CLEC16A: variants seen among roughly 807,000 people sequenced by gnomAD.
CLEC16A encodes C-type lectin domain containing 16A.
A neutral mutation model predicts 109.5 loss-of-function variants in CLEC16A; 51 were observed. That is an observed-to-expected ratio of 0.47 (90% CI 0.37 to 0.59). The LOEUF (loss-of-function observed/expected upper bound fraction) is 0.59, where lower values mean the gene tolerates loss of function less well. Ranked by LOEUF, CLEC16A falls within the 20% of genes least tolerant of loss-of-function variation. The pLI, the probability that CLEC16A is intolerant of heterozygous loss-of-function variation, is 0.00. For missense variants in CLEC16A, 1,339 were observed against 1,394.0 expected (o/e 0.96, Z 0.63); for synonymous variants, 673 against 564.2 (o/e 1.19, Z -2.73).
intron 19 of CLEC16A, among the ~76,000 whole-genome samples, chr16:11,075,973 C>T (rs76714442): frequency 0.011 from 1,661 of 152,310 alleles, 28 homozygotes; most frequent in African/African-American, 0.038. Flanking sequence ...TGTTTCTTCT[C>T]ATCCCTGTGA....
chr16:11,030,386 A>G (rs2152826745), intron 13 of CLEC16A, among the ~76,000 whole-genome samples: 1 of 152,376 alleles, frequency 6.6e-6, no homozygotes, highest in African/African-American at 2.4e-5. Flanking sequence ...ATATCCCATC[A>G]CCAGTGTACA....
At chr16:11,133,560 G>A (rs2053373520) in intron 22 of CLEC16A, among the ~76,000 whole-genome samples, 2 of 152,150 alleles carry the variant, frequency 1.3e-5, no homozygotes. Context: ...CTATGAGCCA[G>A]CTGAGCTGAC....
intron 10 of CLEC16A, among the ~76,000 whole-genome samples, chr16:10,990,561 T>C (rs1024401415): frequency 1.3e-5 from 2 of 152,210 alleles, no homozygotes; most frequent in Non-Finnish European, 2.9e-5. Context: ...GGTGCCTTCA[T>C]TGCTACATCC....
chr16:10,946,631 C>T (rs1027944137), intron 1 of CLEC16A, among the ~76,000 whole-genome samples: 4 of 152,028 alleles, frequency 2.6e-5, no homozygotes, highest in Non-Finnish European at 2.9e-5. Flanking sequence ...GGAGGTTGGG[C>T]CTCCTGCCGG....
At chr16:11,042,915 AAAG>A (rs1267805131) in intron 15 of CLEC16A, among the ~76,000 whole-genome samples, 3 of 149,922 alleles carry the variant, frequency 2.0e-5, no homozygotes, top group Admixed American at 6.7e-5. Flanking sequence ...TTATATATAT[AAAG>A]AAGTATATTT....
chr16:10,962,607 A>G lies in CLEC16A; in HGVS notation c.343+19A>G. ...TCACTTTGTAAGGACATTCCTTGGTATTTGCCTCTGTGCTGCTGTGCATGT... is the reference window on the plus strand; with the variant it reads ...TCACTTTGTAAGGACATTCCTTGGTGTTTGCCTCTGTGCTGCTGTGCATGT... On this transcript the variant is annotated intron_variant, in intron 3 of 23. Transcript: ENST00000409790. The G allele has an allele frequency of 2.5e-6, 4 of 1,612,862 alleles. No homozygotes were observed. Among genetic ancestry groups the G allele is most frequent in the Non-Finnish European group, 3.4e-6 (4 of 1,178,994 alleles).
intron 17 of CLEC16A, among the ~76,000 whole-genome samples, chr16:11,049,838 G>C (rs2047841791): frequency 6.6e-6 from 1 of 152,244 alleles, no homozygotes; most frequent in Non-Finnish European, 1.5e-5. Context: ...AGCTGCAAGT[G>C]AATGAGTGAG....
Position 11,178,781 on chromosome 16 carries a change from A to G in CLEC16A, c.*91A>G. The G allele has an allele frequency of 9.9e-7, 1 of 1,005,682 alleles. No homozygotes were observed. The highest frequency in any genetic ancestry group is 1.4e-6 in the Non-Finnish European group (1 of 708,912). The allele number at this position is 1,005,682 out of a possible 1,614,324, so 62.3% of individuals were successfully genotyped here. ...GCAAGACACACTGGGAGCACCCACC[A>G]TTCTGTGCGGCCCCCAGCAGCCATC... On this transcript the variant is annotated 3_prime_UTR_variant, in exon 24 of 24. Transcript: ENST00000409790. The surrounding 1 kb of genome is among the most constrained non-coding windows in gnomAD (Gnocchi z 6.5).
chr16:11,040,142 CTGAG>C, intron 14 of CLEC16A: 1 of 429,962 alleles, frequency 2.3e-6, no homozygotes, highest in South Asian at 4.5e-5. Flanking sequence ...CCTTCTTTTG[CTGAG>C]ATTGTCAATG....
intron 10 of CLEC16A, among the ~76,000 whole-genome samples, chr16:10,989,614 C>T (rs1396430560): frequency 6.6e-6 from 1 of 152,150 alleles, no homozygotes; most frequent in Non-Finnish European, 1.5e-5. Flanking sequence ...GATTCTGGGG[C>T]AGAATAGGCT....
At chr16:10,962,894 C>CA (rs1037985449) in intron 3 of CLEC16A, among the ~76,000 whole-genome samples, 5 of 151,994 alleles carry the variant, frequency 3.3e-5, no homozygotes, top group Non-Finnish European at 7.4e-5. Flanking sequence ...CCCGTCTCTA[C>CA]AAAAAACCAC....
intron 9 of CLEC16A, among the ~76,000 whole-genome samples, chr16:10,980,576 C>T (rs1250495282): frequency 1.3e-5 from 2 of 152,032 alleles, no homozygotes; most frequent in Non-Finnish European, 2.9e-5. Context: ...CTGCCCACAG[C>T]GGGAACGTCA....
chr16:11,050,477 G>A lies in CLEC16A; in HGVS notation c.1867-1036G>A, dbSNP rs552992434. On this transcript the variant is annotated intron_variant, in intron 17 of 23. Coordinates refer to ENST00000409790, the MANE Select transcript of CLEC16A (RefSeq NM_015226.3). ...AAAAGAGAAGACACAAGGAAAGCTT[G>A]TGATGTTTGAAAGAGTAAAATGAAT... 7.2e-5 allele frequency among the ~76,000 whole-genome samples: 11 copies of A among 152,358 alleles called. No individual in the cohort carries two copies. In the South Asian group the frequency reaches 2.3e-3, roughly 32 times the overall value.
intron 9 of CLEC16A, among the ~76,000 whole-genome samples, chr16:10,982,092 G>A (rs917797184): frequency 5.9e-5 from 9 of 152,232 alleles, no homozygotes; most frequent in African/African-American, 2.2e-4. Flanking sequence ...TGGTAGATAA[G>A]CCACACCCTG....
intron 23 of CLEC16A, among the ~76,000 whole-genome samples, chr16:11,168,222 G>A (rs2068354748): frequency 6.6e-6 from 1 of 152,182 alleles, no homozygotes; most frequent in Non-Finnish European, 1.5e-5. Flanking sequence ...CCTGGTGTCT[G>A]CAGTGTGTGC....
intron 10 of CLEC16A, among the ~76,000 whole-genome samples, chr16:10,998,386 C>T (rs1192314824): frequency 6.6e-6 from 1 of 152,212 alleles, no homozygotes; most frequent in Non-Finnish European, 1.5e-5. Flanking sequence ...TCATGCTCCT[C>T]CTGTAGCCCA....
chr16:11,069,064 C>G (rs1383541116), intron 19 of CLEC16A, among the ~76,000 whole-genome samples: 1 of 151,644 alleles, frequency 6.6e-6, no homozygotes, highest in East Asian at 1.9e-4. Context: ...AACTCCTGGC[C>G]TCAAATAGTC....
chr16:11,157,520 C>T (rs1346571611), intron 22 of CLEC16A, among the ~76,000 whole-genome samples: 3 of 152,192 alleles, frequency 2.0e-5, no homozygotes, highest in Non-Finnish European at 2.9e-5. Context: ...TGTGCATATA[C>T]CTGAAGCTTT....
chr16:11,132,231 C>T (rs2053256191), intron 22 of CLEC16A, among the ~76,000 whole-genome samples: 1 of 78,862 alleles, frequency 1.3e-5, no homozygotes, highest in Middle Eastern at 5.6e-3. Flanking sequence ...TCATCGCCCA[C>T]CCACCCCCCC....
Sources: gnomAD v4.1 joint callset for allele counts (sites outside exome capture counted in the v4.1 genomes callset) on GRCh38, gnomAD v4.1.1 for gene constraint, Gnocchi (gnomAD v3.1) non-coding constraint, MANE v1.5 for transcripts, NCBI Gene and HGNC (gene_info 2026-07-23, HGNC 2026-07-21) for gene names.